Variants in TMLHE observed in about 807,000 individuals in gnomAD.
TMLHE encodes trimethyllysine dioxygenase, mitochondrial.
In TMLHE, 18 loss-of-function variants were observed where a neutral mutation model predicts 25.7. The observed-to-expected ratio is 0.70, with a 90% CI of 0.48 to 1.04. TMLHE has a LOEUF of 1.04. Ranked by LOEUF, TMLHE falls within the 50% of genes least tolerant of loss-of-function variation. The pLI is 0.00. For missense variants in TMLHE, 236 were observed against 259.0 expected, an observed-to-expected ratio of 0.91 and a Z score of 0.61; for synonymous variants, 105 against 97.0, an observed-to-expected ratio of 1.08 and a Z score of -0.49.
intron 4 of TMLHE, among the ~76,000 whole-genome samples, chrX:155,513,749 G>T (rs1399511574): frequency 2.7e-5 from 3 of 110,160 alleles, no homozygotes; most frequent in Non-Finnish European, 5.7e-5. Context: ...GGGATCACTG[G>T]GCTAGAAACA....
intron 1 of TMLHE, among the ~76,000 whole-genome samples, chrX:155,558,148 T>G (rs1557341171): frequency 8.9e-6 from 1 of 112,023 alleles, no homozygotes; most frequent in Non-Finnish European, 1.9e-5. Context: ...TCAGCCTAAC[T>G]TCCTGCTACT....
chrX:155,556,335 C>T (rs1278191797), intron 1 of TMLHE, among the ~76,000 whole-genome samples: 2 of 87,070 alleles, frequency 2.3e-5, no homozygotes, highest in Admixed American at 1.3e-4. Context: ...GTCCTATTAT[C>T]GGGGGACCTG....
chrX:155,605,415 C>G (rs1231928598), intron 1 of TMLHE, among the ~76,000 whole-genome samples: 1 of 111,597 alleles, frequency 9.0e-6, no homozygotes, highest in Non-Finnish European at 1.9e-5. Flanking sequence ...TCTTGCAAGT[C>G]AAAAGAGATT....
chrX:155,608,236 C>G (rs782583597), intron 1 of TMLHE, among the ~76,000 whole-genome samples: 75 of 111,406 alleles, frequency 6.7e-4, no homozygotes, highest in Non-Finnish European at 1.1e-3. Context: ...AAATGGAGAG[C>G]CCAGAAATAA....
At chrX:155,511,629 A>G in intron 5 of TMLHE, 44 bp downstream of exon 5, 1 of 1,125,193 alleles carries the variant, frequency 8.9e-7, no homozygotes, top group East Asian at 3.1e-5. Flanking sequence ...ACTCAAGACT[A>G]TCACATATAA....
chrX:155,586,000 G>A (rs1352669718), intron 1 of TMLHE, among the ~76,000 whole-genome samples: 10 of 110,977 alleles, frequency 9.0e-5, no homozygotes, highest in South Asian at 7.6e-4. Context: ...CGAGGCGGGC[G>A]GATCACCTGA....
intron 1 of TMLHE, among the ~76,000 whole-genome samples, chrX:155,548,471 C>G (rs904018118): frequency 5.5e-5 from 6 of 108,859 alleles, no homozygotes; most frequent in Non-Finnish European, 7.6e-5. Context: ...CACGGTGGCT[C>G]ATGCCTGAAA....
intron 2 of TMLHE, among the ~76,000 whole-genome samples, chrX:155,525,469 A>G (rs1487555612): frequency 2.7e-5 from 3 of 112,174 alleles, no homozygotes; most frequent in African/African-American, 6.5e-5. Flanking sequence ...GTTGTTCTTT[A>G]TAGCCATGTG....
chrX:155,535,247 T>C (rs1460841601), intron 2 of TMLHE, among the ~76,000 whole-genome samples: 16 of 112,435 alleles, frequency 1.4e-4, no homozygotes, highest in African/African-American at 4.5e-4. Context: ...TCTGGCTGTG[T>C]TAGTCAGTTC....
rs188104930 is a variant in TMLHE, at chrX:155,557,850, T to C, written c.-1-12573A>G. Among the ~76,000 whole-genome samples the C allele has an allele frequency of 3.6e-5, 4 of 111,567 alleles. No homozygotes were observed. The East Asian group carries it at 1.1e-3, about 32-fold the overall frequency. On this transcript the variant is annotated intron_variant, in intron 1 of 7. Transcript: ENST00000334398. ...TTCCCCCCAGTCAATTATCAAGTCA[T>C]GATAACTTTTATCCCCTAAATGATT... is the stretch of plus-strand genomic sequence containing the variant.
intron 1 of TMLHE, among the ~76,000 whole-genome samples, chrX:155,576,019 G>A (rs1557343748): frequency 9.0e-6 from 1 of 111,536 alleles, no homozygotes; most frequent in Non-Finnish European, 1.9e-5. Flanking sequence ...AAGAGTAAGA[G>A]ATAAAAGGCA....
chrX:155,580,987 G>C (rs782462830), intron 1 of TMLHE, among the ~76,000 whole-genome samples: 1 of 111,799 alleles, frequency 8.9e-6, no homozygotes, highest in East Asian at 2.8e-4. Context: ...GATCAAGTGG[G>C]CTTCATCCCT....
At chrX:155,561,509 C>G (rs1557341852) in intron 1 of TMLHE, among the ~76,000 whole-genome samples, 1 of 61,338 alleles carries the variant, frequency 1.6e-5, no homozygotes, top group East Asian at 7.2e-4. Flanking sequence ...CCTCACAAAT[C>G]TCATGTCCTT....
At chrX:155,512,399 A>G (rs955023924) in intron 4 of TMLHE, among the ~76,000 whole-genome samples, 43 of 98,884 alleles carry the variant, frequency 4.3e-4, no homozygotes, top group Non-Finnish European at 6.5e-4. Flanking sequence ...ATTCCCACCT[A>G]TGAGTGAGAA....
At position 155,567,922 on chromosome X, in the gene TMLHE, G is replaced by A. The variant is rs1332847984; in HGVS notation, c.-1-22645C>T. Among the ~76,000 whole-genome samples the A allele has an allele frequency of 8.1e-5, 5 of 61,861 alleles. 2 individuals carry two copies. The highest frequency in any genetic ancestry group is 5.7e-4 in the Admixed American group (3 of 5,305). 53.7% of individuals were successfully genotyped at this position (61,861 alleles called of 115,157 possible). ...AGCGTGAGCAACGCAAAAGATGGGC[G>A]ATTTCTCCATTTCCATCTGAGGTAC... On this transcript the variant is annotated intron_variant, in intron 1 of 7. Coordinates refer to ENST00000334398, the MANE Select transcript of TMLHE (RefSeq NM_018196.4).
chrX:155,583,376 A>C (rs990115653), intron 1 of TMLHE, among the ~76,000 whole-genome samples: 9 of 111,162 alleles, frequency 8.1e-5, no homozygotes, highest in Non-Finnish European at 1.3e-4. Flanking sequence ...TAAAACCATC[A>C]GCTCTCGTGA....
chrX:155,507,080 T>C lies in TMLHE; in HGVS notation c.813A>G (p.Leu271=), dbSNP rs1557332783. 1 of 1,210,117 alleles carries C rather than the reference T, an allele frequency of 8.3e-7. No individual in the cohort carries two copies. Among genetic ancestry groups the C allele is most frequent in the South Asian group, 1.8e-5 (1 of 56,934 alleles). ...KHEGTGGRTL[L]VDGFYAAEQV... Reference sequence around the variant, plus strand: ...GTTCTGCTGCATAGAATCCATCTACTAGCAGTGTCCTGCCACCAGTTCCTT... The same window carrying C: ...GTTCTGCTGCATAGAATCCATCTACCAGCAGTGTCCTGCCACCAGTTCCTT... Residue 271 remains leucine (L), a synonymous_variant, in exon 6 of 8, where the codon CTA becomes CTG. Transcript: ENST00000334398.
At chrX:155,521,895 A>C (rs1415043502) in intron 3 of TMLHE, among the ~76,000 whole-genome samples, 1 of 89,412 alleles carries the variant, frequency 1.1e-5, no homozygotes, top group Non-Finnish European at 2.2e-5. Flanking sequence ...CACGGTGCGC[A>C]CACACACTGG....
intron 1 of TMLHE, among the ~76,000 whole-genome samples, chrX:155,608,521 C>A (rs2067800840): frequency 8.9e-6 from 1 of 111,985 alleles, no homozygotes; most frequent in African/African-American, 3.2e-5. Flanking sequence ...ACAAAGACAT[C>A]AAAAGCAATG....
Sources: gnomAD v4.1 joint callset for allele counts (sites outside exome capture counted in the v4.1 genomes callset) on GRCh38, gnomAD v4.1.1 for gene constraint, MANE v1.5 for transcripts, NCBI Gene and HGNC (gene_info 2026-07-23, HGNC 2026-07-21) for gene names.